The following PDE10A variants were observed in gnomAD, a reference collection of about 807,000 sequenced individuals.
PDE10A encodes phosphodiesterase 10A.
PDE10A carries 39 observed loss-of-function variants against 97.7 expected under a neutral mutation model. The ratio of observed to expected loss-of-function variants is 0.40; its 90% CI spans 0.31 to 0.52. The LOEUF is 0.52. Among genes scored for constraint, PDE10A ranks in the 20% least tolerant of loss-of-function variants. The pLI is 0.56. For missense variants in PDE10A, 731 were observed against 1,047.8 expected (o/e 0.70, Z 4.17); for synonymous variants, 371 against 376.8 (o/e 0.98, Z 0.18).
chr6:165,654,676 C>G (rs892589178), intron 1 of PDE10A, among the ~76,000 whole-genome samples: 1 of 152,186 alleles, frequency 6.6e-6, no homozygotes, highest in Non-Finnish European at 1.5e-5. Context: ...AAAAAGGCAG[C>G]ATCTACCTGC....
chr6:165,402,330 T>C (rs1786733143), intron 13 of PDE10A, among the ~76,000 whole-genome samples: 2 of 152,002 alleles, frequency 1.3e-5, no homozygotes, highest in Admixed American at 6.6e-5. Context: ...ATAACACTAA[T>C]TACAAAATAA....
chr6:165,854,949 G>A (rs1450255402), intron 1 of PDE10A, among the ~76,000 whole-genome samples: 1 of 152,172 alleles, frequency 6.6e-6, no homozygotes, highest in East Asian at 1.9e-4. Flanking sequence ...CCCCTGCCTG[G>A]AGAGGGAGGC....
chr6:165,866,914 TA>T (rs1781071931), intron 1 of PDE10A, among the ~76,000 whole-genome samples: 1 of 152,036 alleles, frequency 6.6e-6, no homozygotes. Flanking sequence ...TCATCATTAT[TA>T]GACTAGTGCT....
intron 13 of PDE10A, among the ~76,000 whole-genome samples, chr6:165,406,794 A>T (rs1367868328): frequency 6.6e-6 from 1 of 152,208 alleles, no homozygotes; most frequent in African/African-American, 2.4e-5. Context: ...CTGAGGACCC[A>T]GACAGAACAG....
chr6:165,832,641 C>T (rs894259315), intron 1 of PDE10A, among the ~76,000 whole-genome samples: 20 of 152,208 alleles, frequency 1.3e-4, no homozygotes, highest in African/African-American at 4.8e-4. Flanking sequence ...CCCACCCACT[C>T]TTCATCAAAG....
intron 1 of PDE10A, among the ~76,000 whole-genome samples, chr6:165,845,855 G>C (rs544912318): frequency 1.3e-5 from 2 of 152,248 alleles, no homozygotes; most frequent in African/African-American, 4.8e-5. Context: ...TTGTAAATCT[G>C]ACCGATGCCT....
rs1444732017 is a variant in PDE10A at position 165,810,967 on chromosome 6, T to G, written c.-615+176562A>C. On this transcript the variant is annotated intron_variant, in intron 1 of 19. Transcript: ENST00000366882. ...CAGGCCGGATGTGGTGGCTCACACC[T>G]GTAATCCCAGCACTTTGGGAGGCCC... 2.0e-5 allele frequency among the ~76,000 whole-genome samples: 3 copies of G among 152,186 alleles called. No individual in the cohort carries two copies. The East Asian group carries it at 5.8e-4, about 29-fold the overall frequency.
intron 1 of PDE10A, among the ~76,000 whole-genome samples, chr6:165,969,532 T>C (rs972688514): frequency 6.6e-6 from 1 of 152,182 alleles, no homozygotes; most frequent in East Asian, 1.9e-4. Context: ...TTGATACGAA[T>C]TCCTGGTTTT....
chr6:165,517,382 G>A (rs183521154), intron 2 of PDE10A, among the ~76,000 whole-genome samples: 4 of 152,186 alleles, frequency 2.6e-5, no homozygotes, highest in Admixed American at 2.6e-4. Context: ...AGACAAGATA[G>A]TTCAACACAA....
intron 2 of PDE10A, among the ~76,000 whole-genome samples, chr6:165,488,342 G>A (rs2128285447): frequency 6.6e-6 from 1 of 152,292 alleles, no homozygotes; most frequent in East Asian, 1.9e-4. Flanking sequence ...GATAGTTTAT[G>A]GGAAAAATAA....
At chr6:165,526,588 C>G (rs1232557182) in intron 2 of PDE10A, among the ~76,000 whole-genome samples, 2 of 152,188 alleles carry the variant, frequency 1.3e-5, no homozygotes, top group African/African-American at 4.8e-5. Flanking sequence ...TGATTCCCAC[C>G]ACATCCCCGT....
intron 1 of PDE10A, among the ~76,000 whole-genome samples, chr6:165,902,797 T>C (rs1221167747): frequency 3.3e-5 from 5 of 152,190 alleles, no homozygotes; most frequent in African/African-American, 1.2e-4. Flanking sequence ...ACACTCATCA[T>C]CCTTCCACAG....
At chr6:165,467,127 A>G (rs1489141580) in intron 3 of PDE10A, among the ~76,000 whole-genome samples, 4 of 152,308 alleles carry the variant, frequency 2.6e-5, no homozygotes, top group Non-Finnish European at 5.9e-5. Flanking sequence ...AGACTGAGAG[A>G]TGTGGGAAAG....
intron 13 of PDE10A, among the ~76,000 whole-genome samples, chr6:165,410,603 G>A (rs1016225968): frequency 6.6e-6 from 1 of 152,146 alleles, no homozygotes; most frequent in Non-Finnish European, 1.5e-5. Context: ...AAAGAAGTCA[G>A]TGAGAAAGTG....
rs567915088 is a variant in PDE10A at position 165,931,062 on chromosome 6, G to A, written c.-615+56467C>T. 1.4e-4 allele frequency among the ~76,000 whole-genome samples: 21 copies of A among 152,300 alleles called. No homozygotes were observed. The Middle Eastern group carries it at 0.02, about 148-fold the overall frequency. On this transcript the variant is annotated intron_variant, in intron 1 of 19. Transcript: ENST00000366882. ...CTGCGATATCAGATGGGGACCTCGC[G>A]CATTTCAAATATGACTTGATTGTAG...
chr6:165,807,966 G>C (rs79787113), intron 1 of PDE10A, among the ~76,000 whole-genome samples: 2,346 of 152,334 alleles, frequency 0.015, 56 homozygotes, highest in African/African-American at 0.051. Context: ...AGAGGAAGAA[G>C]CACACAGTAT....
chr6:165,961,391 A>G (rs940253278), intron 1 of PDE10A, among the ~76,000 whole-genome samples: 1 of 152,244 alleles, frequency 6.6e-6, no homozygotes, highest in East Asian at 1.9e-4. Context: ...GAAGGAAGCC[A>G]GGATGAAATG....
chr6:165,872,242 G>T (rs570008221), intron 1 of PDE10A, among the ~76,000 whole-genome samples: 5 of 152,128 alleles, frequency 3.3e-5, no homozygotes, highest in Non-Finnish European at 7.3e-5. Flanking sequence ...CATCCCACGC[G>T]TTTAATAAAT....
intron 2 of PDE10A, among the ~76,000 whole-genome samples, chr6:165,503,093 T>C (rs1188435094): frequency 6.6e-6 from 1 of 152,172 alleles, no homozygotes; most frequent in African/African-American, 2.4e-5. Context: ...CACCATTTCT[T>C]TCTTCCATTC....
Sources: gnomAD v4.1 joint callset for allele counts (sites outside exome capture counted in the v4.1 genomes callset) on GRCh38, gnomAD v4.1.1 for gene constraint, MANE v1.5 for transcripts, NCBI Gene and HGNC (gene_info 2026-07-23, HGNC 2026-07-21) for gene names.